Variants in LUZP2 observed in about 807,000 individuals in gnomAD.
The protein encoded by LUZP2 is leucine zipper protein 2.
In LUZP2, 52 loss-of-function variants were observed where a neutral mutation model predicts 51.6. The observed-to-expected ratio is 1.01, with a 90% confidence interval of 0.81 to 1.27. The LOEUF is 1.27. Ranked by LOEUF, LUZP2 falls within the 50% of genes most tolerant of loss-of-function variation. LUZP2 has a pLI of 0.00. For synonymous variants in LUZP2, 154 were observed against 137.3 expected, an observed-to-expected ratio of 1.12 and a Z score of -0.85; for missense variants, 436 against 395.4, an observed-to-expected ratio of 1.10 and a Z score of -0.87.
chr11:24,579,730 G>T (rs1852783022), intron 1 of LUZP2, among the ~76,000 whole-genome samples: 1 of 151,988 alleles, frequency 6.6e-6, no homozygotes. Context: ...CTGGAAATGA[G>T]TTGGTAATTT....
At chr11:25,001,827 A>G (rs769253288) in intron 9 of LUZP2, among the ~76,000 whole-genome samples, 14 of 149,556 alleles carry the variant, frequency 9.4e-5, no homozygotes, top group African/African-American at 2.5e-4. Flanking sequence ...TTGACTTCCT[A>G]TCTTTCTCTG....
At chr11:24,565,244 C>T (rs1270656901) in intron 1 of LUZP2, among the ~76,000 whole-genome samples, 1 of 151,942 alleles carries the variant, frequency 6.6e-6, no homozygotes, top group Non-Finnish European at 1.5e-5. Context: ...TATATACTGG[C>T]CCCCAGAAAA....
chr11:24,591,990 C>T (rs185372758), intron 1 of LUZP2, among the ~76,000 whole-genome samples: 7 of 152,214 alleles, frequency 4.6e-5, no homozygotes, highest in African/African-American at 1.7e-4. Context: ...CTGTAATAGA[C>T]CTGTTATATT....
chr11:25,064,616 C>G (rs1394156341), intron 10 of LUZP2, among the ~76,000 whole-genome samples: 1 of 152,004 alleles, frequency 6.6e-6, no homozygotes, highest in African/African-American at 2.4e-5. Flanking sequence ...TGGTGTAGGT[C>G]TCAGAGGTGA....
At chr11:25,056,165 C>G (rs1858679253) in intron 10 of LUZP2, among the ~76,000 whole-genome samples, 1 of 152,056 alleles carries the variant, frequency 6.6e-6, no homozygotes, top group Non-Finnish European at 1.5e-5. Flanking sequence ...CACAGCAGAA[C>G]CAGATGCAGC....
intron 9 of LUZP2, among the ~76,000 whole-genome samples, chr11:24,991,190 A>G (rs1249828499): frequency 6.6e-6 from 1 of 150,806 alleles, no homozygotes; most frequent in Non-Finnish European, 1.5e-5. Flanking sequence ...TCATAATTTA[A>G]CTCCCACTTA....
chr11:25,038,982 A>C (rs1036196532), intron 9 of LUZP2, among the ~76,000 whole-genome samples: 2 of 152,106 alleles, frequency 1.3e-5, no homozygotes, highest in African/African-American at 4.8e-5. Context: ...GTGGTTGATA[A>C]GCTCTTAGCC....
At chr11:25,002,972 T>G (rs945187853) in intron 9 of LUZP2, among the ~76,000 whole-genome samples, 2 of 152,080 alleles carry the variant, frequency 1.3e-5, no homozygotes, top group Non-Finnish European at 2.9e-5. Context: ...CCCCTGCAAA[T>G]GTTTTAATGT....
intron 5 of LUZP2, among the ~76,000 whole-genome samples, chr11:24,815,686 C>T (rs1850159359): frequency 1.3e-5 from 2 of 152,156 alleles, no homozygotes; most frequent in Non-Finnish European, 2.9e-5. Context: ...ACCTCTCAGC[C>T]TCCACTTTGC....
chr11:25,069,873 A>G (rs1859105647), intron 10 of LUZP2, among the ~76,000 whole-genome samples: 1 of 151,716 alleles, frequency 6.6e-6, no homozygotes, highest in Non-Finnish European at 1.5e-5. Context: ...CTTATGTGAA[A>G]CATCAAGGAT....
intron 8 of LUZP2, among the ~76,000 whole-genome samples, chr11:24,982,010 A>C (rs899491064): frequency 6.6e-6 from 1 of 151,992 alleles, no homozygotes; most frequent in Non-Finnish European, 1.5e-5. Flanking sequence ...ATATGAAAAA[A>C]GCTCAATATC....
intron 6 of LUZP2, among the ~76,000 whole-genome samples, chr11:24,907,709 A>G (rs1005881836): frequency 9.2e-5 from 14 of 152,314 alleles, no homozygotes; most frequent in Admixed American, 5.9e-4. Context: ...ACTCATGTAT[A>G]TGAAAGAGAG....
At chr11:24,824,061 T>A (rs1198662511) in intron 5 of LUZP2, among the ~76,000 whole-genome samples, 1 of 143,622 alleles carries the variant, frequency 7.0e-6, no homozygotes, top group Non-Finnish European at 1.5e-5. Context: ...AGACACTGTC[T>A]AAAAAAAAAG....
At chr11:24,825,817 A>G (rs1850507677) in intron 5 of LUZP2, among the ~76,000 whole-genome samples, 2 of 151,994 alleles carry the variant, frequency 1.3e-5, no homozygotes, top group Non-Finnish European at 2.9e-5. Context: ...ATATTTTCAA[A>G]TAGATTCCAT....
At chr11:24,715,904 T>G in intron 1 of LUZP2, among the ~76,000 whole-genome samples, 1 of 152,154 alleles carries the variant, frequency 6.6e-6, no homozygotes, top group East Asian at 1.9e-4. Flanking sequence ...CTAGTATTTT[T>G]TCATCAATGA....
chr11:24,596,545 C>A (rs1853449840), intron 1 of LUZP2, among the ~76,000 whole-genome samples: 1 of 151,984 alleles, frequency 6.6e-6, no homozygotes, highest in Admixed American at 6.6e-5. Context: ...ATTACTGAGA[C>A]CAAGTGGTTT....
intron 4 of LUZP2, among the ~76,000 whole-genome samples, chr11:24,762,046 A>G (rs1460681941): frequency 6.6e-6 from 1 of 151,630 alleles, no homozygotes; most frequent in Non-Finnish European, 1.5e-5. Context: ...ATTGGACAAA[A>G]CATTCATATC....
intron 1 of LUZP2, among the ~76,000 whole-genome samples, chr11:24,517,804 G>C (rs546323291): frequency 6.6e-6 from 1 of 151,992 alleles, no homozygotes; most frequent in African/African-American, 2.4e-5. Flanking sequence ...TTTATATTGT[G>C]TCTGAAGAAA....
At chr11:25,029,739 A>G (rs1428117971) in intron 9 of LUZP2, among the ~76,000 whole-genome samples, 1 of 150,558 alleles carries the variant, frequency 6.6e-6, no homozygotes, top group Non-Finnish European at 1.5e-5. Flanking sequence ...TCTGTCTCAA[A>G]AAAAAAAAAA....
Sources: allele counts gnomAD v4.1 joint callset (sites outside exome capture counted in the v4.1 genomes callset), GRCh38; gene constraint gnomAD v4.1.1; transcripts MANE v1.5; gene names NCBI Gene and HGNC (gene_info 2026-07-23, HGNC 2026-07-21).